The following ENTREP2 variants were observed in gnomAD, a reference collection of about 807,000 sequenced individuals.
ENTREP2 encodes the protein endosomal transmembrane epsin interactor 2.
At chr15:29,312,655 G>A in the ENTREP2 span, among the ~76,000 whole-genome samples, 1 of 152,104 alleles carries the variant, frequency 6.6e-6, no homozygotes, top group Non-Finnish European at 1.5e-5. Flanking sequence ...TCCATGAACT[G>A]TGCCCATATA....
At chr15:29,663,729 G>A in the ENTREP2 span, among the ~76,000 whole-genome samples, 1 of 152,048 alleles carries the variant, frequency 6.6e-6, no homozygotes, top group Admixed American at 6.6e-5. Context: ...AGGGGGAGGG[G>A]GGAGAGATAG....
chr15:29,392,922 A>G, the ENTREP2 span, among the ~76,000 whole-genome samples: 1 of 152,202 alleles, frequency 6.6e-6, no homozygotes, highest in Non-Finnish European at 1.5e-5. Flanking sequence ...TTGTCTCTGC[A>G]CTGTGTCTAA....
the ENTREP2 span, among the ~76,000 whole-genome samples, chr15:29,388,140 G>T: frequency 1.3e-5 from 2 of 152,144 alleles, no homozygotes; most frequent in Non-Finnish European, 2.9e-5. Flanking sequence ...AAACTAAAGA[G>T]CTTCTGCACA....
At chr15:29,135,187 T>C in the ENTREP2 span, among the ~76,000 whole-genome samples, 7 of 151,704 alleles carry the variant, frequency 4.6e-5, no homozygotes, top group Non-Finnish European at 1.0e-4. The surrounding 1 kb of genome is among the most constrained non-coding windows in gnomAD (Gnocchi z 7.4). Context: ...ACTGCTGTGT[T>C]CCCCAGCCAT....
the ENTREP2 span, among the ~76,000 whole-genome samples, chr15:29,188,035 A>G: frequency 6.6e-6 from 1 of 152,172 alleles, no homozygotes; most frequent in African/African-American, 2.4e-5. Flanking sequence ...GCTCATGCAT[A>G]GAGAGAGGGG....
the ENTREP2 span, among the ~76,000 whole-genome samples, chr15:29,468,687 T>C: frequency 3.1e-4 from 47 of 151,836 alleles, no homozygotes; most frequent in African/African-American, 9.2e-4. Flanking sequence ...AAATCTTTAA[T>C]AGTGTCTGAA....
At chr15:29,644,801 A>T in the ENTREP2 span, among the ~76,000 whole-genome samples, 2 of 147,592 alleles carry the variant, frequency 1.4e-5, no homozygotes, top group Admixed American at 1.4e-4. Context: ...AGACTCCAAG[A>T]CTCCATCTCC....
At chr15:29,257,523 G>T in the ENTREP2 span, among the ~76,000 whole-genome samples, 1 of 152,182 alleles carries the variant, frequency 6.6e-6, no homozygotes, top group African/African-American at 2.4e-5. Context: ...TATATTCTTA[G>T]AAGTGGCATT....
At chr15:29,269,628 G>A in the ENTREP2 span, 4 of 1,570,972 alleles carry the variant, frequency 2.5e-6, no homozygotes, top group African/African-American at 1.4e-5. Flanking sequence ...AAGCCCCGGG[G>A]TTTCCGCTAT....
chr15:29,586,706 A>C, the ENTREP2 span, among the ~76,000 whole-genome samples: 2 of 151,648 alleles, frequency 1.3e-5, no homozygotes, highest in African/African-American at 4.8e-5. Flanking sequence ...CCAAGATTGC[A>C]CCACTGCACT....
the ENTREP2 span, among the ~76,000 whole-genome samples, chr15:29,322,830 G>A: frequency 6.6e-6 from 1 of 152,002 alleles, no homozygotes; most frequent in African/African-American, 2.4e-5. Flanking sequence ...AAATCCTCTT[G>A]GGAAAAAGTA....
At chr15:29,378,942 G>A in the ENTREP2 span, among the ~76,000 whole-genome samples, 7 of 152,254 alleles carry the variant, frequency 4.6e-5, no homozygotes, top group African/African-American at 1.4e-4. Context: ...AGCCAAAGCC[G>A]AGGCTATCTC....
chr15:29,655,720 TAAAAAACA>T, the ENTREP2 span, among the ~76,000 whole-genome samples: 9 of 151,328 alleles, frequency 5.9e-5, no homozygotes, highest in Admixed American at 2.6e-4. Flanking sequence ...ATGCTAGAAT[TAAAAAACA>T]AAAAAACAAA....
At chr15:29,295,901 C>G in the ENTREP2 span, among the ~76,000 whole-genome samples, 1 of 152,152 alleles carries the variant, frequency 6.6e-6, no homozygotes, top group Admixed American at 6.5e-5. Flanking sequence ...CATGGTTGAT[C>G]AAAGGTAACA....
the ENTREP2 span, among the ~76,000 whole-genome samples, chr15:29,204,582 T>C: frequency 1.3e-5 from 2 of 152,128 alleles, no homozygotes; most frequent in African/African-American, 4.8e-5. Context: ...CTAACTGCCA[T>C]GGAGTGACCC....
At chr15:29,196,614 C>G in the ENTREP2 span, 1 of 1,528,550 alleles carries the variant, frequency 6.5e-7, no homozygotes, top group Non-Finnish European at 8.9e-7. Flanking sequence ...CATTCGACCC[C>G]CGAGGGTACG....
chr15:29,381,746 G>T, the ENTREP2 span: 2 of 1,547,410 alleles, frequency 1.3e-6, no homozygotes. Context: ...CCTGCTCCAA[G>T]GCCACCTGGA....
the ENTREP2 span, among the ~76,000 whole-genome samples, chr15:29,468,913 T>A: frequency 2.6e-5 from 4 of 152,174 alleles, no homozygotes; most frequent in African/African-American, 9.7e-5. Context: ...TATGATTTTT[T>A]AAAAAGTTCT....
chr15:29,249,571 G>C, the ENTREP2 span, among the ~76,000 whole-genome samples: 2 of 151,984 alleles, frequency 1.3e-5, 1 homozygote. Flanking sequence ...TTTGTTTTTT[G>C]AATTTCTATA....
Sources: gnomAD v4.1 joint callset for allele counts (sites outside exome capture counted in the v4.1 genomes callset) on GRCh38, gnomAD v4.1.1 for gene constraint, Gnocchi (gnomAD v3.1) non-coding constraint, MANE v1.5 for transcripts, NCBI Gene and HGNC (gene_info 2026-07-23, HGNC 2026-07-21) for gene names.